The following SASH1 variants were observed in gnomAD, a reference collection of about 807,000 sequenced individuals.
SASH1 encodes SAM and SH3 domain containing 1, also known as SAM and SH3 domain-containing protein 1.
A neutral mutation model predicts 125.2 loss-of-function variants in SASH1; 44 were observed. The observed-to-expected ratio is 0.35, with a 90% CI of 0.28 to 0.45. The LOEUF (loss-of-function observed/expected upper bound fraction) is 0.45, where lower values mean the gene tolerates loss of function less well. Among genes scored for constraint, SASH1 ranks in the 20% least tolerant of loss-of-function variants. SASH1 has a pLI of 1.00. For synonymous variants in SASH1, 639 were observed against 649.1 expected (o/e 0.98, Z 0.24); for missense variants, 1,426 against 1,614.5 (o/e 0.88, Z 2.00).
intron 4 of SASH1, among the ~76,000 whole-genome samples, chr6:148,445,444 G>C (rs981054757): frequency 6.6e-6 from 1 of 152,142 alleles, no homozygotes; most frequent in African/African-American, 2.4e-5. Context: ...TATTTAGAGG[G>C]TAAGGCTTTT....
intron 1 of SASH1, among the ~76,000 whole-genome samples, chr6:148,276,151 C>G (rs1779176648): frequency 6.6e-6 from 1 of 152,202 alleles, no homozygotes; most frequent in Non-Finnish European, 1.5e-5. Flanking sequence ...TTAATTCTCT[C>G]TCCATTTTTG....
At position 148,390,243 on chromosome 6, in the gene SASH1, T is replaced by C. The variant is rs555777580; in HGVS notation, c.266T>C (p.Val89Ala). The C allele has an allele frequency of 2.5e-6, 4 of 1,609,700 alleles. No individual in the cohort carries two copies. Among genetic ancestry groups the C allele is most frequent in the Non-Finnish European group, 3.4e-6 (4 of 1,178,882 alleles). ...ATGGAGGAGCTGCGGAAACGGCGGG[T>C]TTCCCAGGACCTGGAAGTGGTGAGT... is the stretch of plus-strand genomic sequence containing the variant. The part of the protein sequence containing the change: ...ERMEELRKRR[V>A]SQDLEVEKPD... Residue 89 changes from valine (V) to alanine (A), a missense_variant, in exon 2 of 20, where the codon GTT becomes GCT. By Grantham distance (64) the Val-to-Ala change is moderately conservative. Transcript: ENST00000367467.
At chr6:148,518,320 A>G (rs1363984143) in intron 9 of SASH1, among the ~76,000 whole-genome samples, 1 of 152,012 alleles carries the variant, frequency 6.6e-6, no homozygotes, top group Non-Finnish European at 1.5e-5. Flanking sequence ...CTTCCCCACC[A>G]CCGTCTGCTG....
chr6:148,503,704 A>G (rs7455026), intron 8 of SASH1, among the ~76,000 whole-genome samples: 10,901 of 151,894 alleles, frequency 0.072, 502 homozygotes, highest in Non-Finnish European at 0.1. Flanking sequence ...ATTTGGGGAC[A>G]CTGATAGTGA....
upstream of SASH1, among the ~76,000 whole-genome samples, chr6:148,267,399 G>GTGTGTGTGTGT (rs55909678): frequency 1.4e-4 from 20 of 142,168 alleles, no homozygotes; most frequent in South Asian, 2.3e-4. Context: ...GTGTGTGTGA[G>GTGTGTGTGTGT]ATGGAGTCTC....
upstream of SASH1, among the ~76,000 whole-genome samples, chr6:148,341,076 A>G (rs1411320852): frequency 6.6e-6 from 1 of 152,144 alleles, no homozygotes; most frequent in Non-Finnish European, 1.5e-5. Context: ...TCAAGGCCGC[A>G]GTGAGCTACG....
chr6:148,394,721 C>T (rs111723900), intron 2 of SASH1, among the ~76,000 whole-genome samples: 112 of 152,038 alleles, frequency 7.4e-4, no homozygotes, highest in African/African-American at 2.5e-3. Context: ...CTCAGCTCAC[C>T]GCAATTTCTG....
chr6:148,239,466 G>A, the SASH1 span, among the ~76,000 whole-genome samples: 2 of 152,154 alleles, frequency 1.3e-5, no homozygotes, highest in African/African-American at 4.8e-5. Flanking sequence ...TCTGTGAAAG[G>A]GAAGCTGGCT....
chr6:148,402,715 C>T (rs1245559948), intron 2 of SASH1, among the ~76,000 whole-genome samples: 1 of 151,752 alleles, frequency 6.6e-6, no homozygotes, highest in African/African-American at 2.4e-5. Flanking sequence ...CCCGGGTTCA[C>T]ACCATTCCCC....
chr6:148,307,334 T>C (rs574837284), intron 1 of SASH1, among the ~76,000 whole-genome samples: 1 of 151,920 alleles, frequency 6.6e-6, no homozygotes, highest in South Asian at 2.1e-4. Flanking sequence ...GTCAGGCTGG[T>C]CTCAAACCCC....
At chr6:148,443,492 T>TTA (rs141374906) in intron 4 of SASH1, among the ~76,000 whole-genome samples, 7 of 95,520 alleles carry the variant, frequency 7.3e-5, no homozygotes, top group South Asian at 5.1e-4. Flanking sequence ...TATATATATT[T>TTA]TATATATATG....
the SASH1 span, among the ~76,000 whole-genome samples, chr6:148,249,070 G>T: frequency 7.7e-6 from 1 of 130,432 alleles, no homozygotes; most frequent in Non-Finnish European, 1.7e-5. Context: ...AATAACTGAT[G>T]AATGAATGAA....
intron 2 of SASH1, among the ~76,000 whole-genome samples, chr6:148,392,385 C>G (rs954432267): frequency 2.6e-5 from 4 of 151,874 alleles, no homozygotes; most frequent in African/African-American, 9.7e-5. Context: ...TGAGCACACA[C>G]ACAAAAATAA....
At chr6:148,206,010 C>G in the SASH1 span, among the ~76,000 whole-genome samples, 1 of 152,092 alleles carries the variant, frequency 6.6e-6, no homozygotes, top group Non-Finnish European at 1.5e-5. Flanking sequence ...GGCACTTTTG[C>G]CTTCAAGAAC....
intron 9 of SASH1, among the ~76,000 whole-genome samples, chr6:148,516,490 G>GC (rs1780445168): frequency 8.7e-6 from 1 of 114,382 alleles, no homozygotes; most frequent in South Asian, 3.2e-4. Flanking sequence ...GCCAGTAGGC[G>GC]CCCCCTCCCC....
intron 2 of SASH1, among the ~76,000 whole-genome samples, chr6:148,404,983 G>T (rs568839610): frequency 3.3e-5 from 5 of 151,982 alleles, no homozygotes; most frequent in African/African-American, 1.2e-4. Flanking sequence ...TGTTGGAAGC[G>T]GAGTGGAACC....
chr6:148,200,571 G>A, the SASH1 span, among the ~76,000 whole-genome samples: 1 of 152,242 alleles, frequency 6.6e-6, no homozygotes, highest in East Asian at 1.9e-4. Flanking sequence ...CCAAGGCGAG[G>A]TGATTGGTGT....
At chr6:148,312,347 A>C (rs1424534335) in intron 1 of SASH1, among the ~76,000 whole-genome samples, 3 of 152,216 alleles carry the variant, frequency 2.0e-5, no homozygotes, top group Admixed American at 6.5e-5. Context: ...TTAGTCATCA[A>C]AAACCATGAA....
chr6:148,549,402 TGTGTGTGC>T lies in SASH1; in HGVS notation c.*848_*855del, dbSNP rs1782763155. 6 of 385,746 alleles carry T rather than the reference TGTGTGTGC, an allele frequency of 1.6e-5. No individual in the cohort carries two copies. The highest frequency in any genetic ancestry group is 2.8e-5 in the Non-Finnish European group (6 of 218,102). 23.9% of individuals were successfully genotyped at this position (385,746 alleles called of 1,614,324 possible). On this transcript the variant is annotated 3_prime_UTR_variant, in exon 20 of 20. Transcript: ENST00000367467. ...AGCTATCTGAAATTCACAAATATCATGTGTGTGCGTGCGTGCGTGCGCGTGTGTGTCTG... is the reference window on the plus strand; with the variant it reads ...AGCTATCTGAAATTCACAAATATCATGTGCGTGCGTGCGCGTGTGTGTCTG...
Sources: allele counts gnomAD v4.1 joint callset (sites outside exome capture counted in the v4.1 genomes callset), GRCh38; gene constraint gnomAD v4.1.1; transcripts MANE v1.5; gene names NCBI Gene and HGNC (gene_info 2026-07-23, HGNC 2026-07-21).